RBFOX2: variants seen among roughly 807,000 people sequenced by gnomAD.
The protein encoded by RBFOX2 is RNA binding fox-1 homolog 2.
RBFOX2 carries 10 observed loss-of-function variants against 49.1 expected under a neutral mutation model. The ratio of observed to expected loss-of-function variants is 0.20; its 90% CI spans 0.13 to 0.35. RBFOX2 has a LOEUF of 0.35. Ranked by LOEUF, RBFOX2 falls within the 10% of genes least tolerant of loss-of-function variation. The pLI is 1.00. For missense variants in RBFOX2, 323 were observed against 486.9 expected (o/e 0.66, Z 3.17); for synonymous variants, 183 against 187.4 (o/e 0.98, Z 0.19).
intron 1 of RBFOX2, among the ~76,000 whole-genome samples, chr22:35,819,297 T>A (rs1953912078): frequency 6.6e-6 from 1 of 152,182 alleles, no homozygotes; most frequent in South Asian, 2.1e-4. Context: ...ATATAAATAA[T>A]CATTCTATTA....
chr22:35,744,985 G>C (rs1228454594), intron 11 of RBFOX2, among the ~76,000 whole-genome samples: 1 of 152,016 alleles, frequency 6.6e-6, no homozygotes, highest in African/African-American at 2.4e-5. Context: ...ACAACCTCAG[G>C]CACTTCTACC....
In RBFOX2 at chr22:35,867,101, G is replaced by A. The variant is rs8136320; in HGVS notation, c.-33-57097C>T. ...ATGCACACACACACACACTTAAAACGTACTTTCAAATGGTTCAGAAAAAAA... is the reference window on the plus strand; with the variant it reads ...ATGCACACACACACACACTTAAAACATACTTTCAAATGGTTCAGAAAAAAA... On this transcript the variant is annotated intron_variant, in intron 1 of 13. Coordinates refer to the RBFOX2 transcript ENST00000359369. Among the ~76,000 whole-genome samples the A allele has an allele frequency of 8.6e-3, 1,304 of 152,058 alleles. 4 individuals are homozygous for A. Among genetic ancestry groups the A allele is most frequent in the Non-Finnish European group, 0.011 (760 of 67,980 alleles).
intron 11 of RBFOX2, among the ~76,000 whole-genome samples, chr22:35,745,142 T>C (rs563950446): frequency 3.9e-4 from 60 of 152,350 alleles, no homozygotes; most frequent in South Asian, 2.5e-3. Context: ...ACATTTTACA[T>C]TTCATTCTGT....
At chr22:35,814,264 TA>T (rs1952515124) in intron 1 of RBFOX2, among the ~76,000 whole-genome samples, 1 of 152,098 alleles carries the variant, frequency 6.6e-6, no homozygotes. Context: ...AATCCTTGGA[TA>T]CTCAAGCCCT....
At chr22:35,861,219 T>C (rs895932695) in intron 1 of RBFOX2, among the ~76,000 whole-genome samples, 4 of 152,216 alleles carry the variant, frequency 2.6e-5, no homozygotes, top group African/African-American at 7.2e-5. Context: ...GTAAAACTTC[T>C]AGGAGAAAAC....
intron 1 of RBFOX2, among the ~76,000 whole-genome samples, chr22:35,839,090 T>C (rs1958231386): frequency 6.6e-6 from 1 of 152,216 alleles, no homozygotes; most frequent in African/African-American, 2.4e-5. Flanking sequence ...TGTCCAGTGA[T>C]GAAATTTCCA....
chr22:36,003,677 GA>G (rs1258777643), intron 1 of RBFOX2, among the ~76,000 whole-genome samples: 4 of 152,188 alleles, frequency 2.6e-5, no homozygotes, highest in African/African-American at 7.2e-5. Flanking sequence ...AACTAAGGGG[GA>G]AAAAACAAAA....
intron 1 of RBFOX2, among the ~76,000 whole-genome samples, chr22:35,966,815 AT>A (rs2056587156): frequency 6.6e-6 from 1 of 151,918 alleles, no homozygotes; most frequent in Non-Finnish European, 1.5e-5. Flanking sequence ...TATACATATA[AT>A]TTTTCCCCCT....
intron 1 of RBFOX2, among the ~76,000 whole-genome samples, chr22:35,919,530 CAAAA>C (rs758998485): frequency 2.6e-5 from 3 of 115,998 alleles, no homozygotes; most frequent in Admixed American, 1.8e-4. Context: ...GAGACTGTCT[CAAAA>C]AAAAAAAAAA....
At chr22:35,810,297 A>G (rs1951619355) in intron 1 of RBFOX2, among the ~76,000 whole-genome samples, 1 of 152,098 alleles carries the variant, frequency 6.6e-6, no homozygotes, top group Admixed American at 6.6e-5. Flanking sequence ...CAAAGGGGCA[A>G]AAATCTTTCC....
At chr22:36,003,736 T>A (rs1294837815) in intron 1 of RBFOX2, among the ~76,000 whole-genome samples, 1 of 152,264 alleles carries the variant, frequency 6.6e-6, no homozygotes, top group Admixed American at 6.5e-5. Context: ...ATACTCCTAA[T>A]GACTATCTAG....
At chr22:35,941,800 T>C (rs2053715102), upstream of RBFOX2, among the ~76,000 whole-genome samples, 1 of 152,166 alleles carries the variant, frequency 6.6e-6, no homozygotes, top group African/African-American at 2.4e-5. Context: ...AAGTTGGTCA[T>C]AACAGGTTGC....
At chr22:36,021,321 C>T (rs1384871037) in intron 1 of RBFOX2, among the ~76,000 whole-genome samples, 1 of 151,978 alleles carries the variant, frequency 6.6e-6, no homozygotes, top group East Asian at 1.9e-4. Context: ...GGTGCAGCCA[C>T]ACCAACATGG....
chr22:35,967,014 T>C (rs62232604), intron 1 of RBFOX2, among the ~76,000 whole-genome samples: 56 of 151,954 alleles, frequency 3.7e-4, no homozygotes, highest in South Asian at 1.5e-3. Context: ...AGATGAGGTC[T>C]TACTATGTTG....
intron 2 of RBFOX2, among the ~76,000 whole-genome samples, chr22:35,793,574 T>C (rs765775788): frequency 6.6e-6 from 1 of 152,200 alleles, no homozygotes; most frequent in East Asian, 1.9e-4. Flanking sequence ...TAAAATAATA[T>C]ATAAGACAAT....
At chr22:35,787,116 T>C (rs1946571425) in intron 2 of RBFOX2, among the ~76,000 whole-genome samples, 1 of 152,138 alleles carries the variant, frequency 6.6e-6, no homozygotes, top group Admixed American at 6.5e-5. Flanking sequence ...CTCAGCTCGC[T>C]GCAACCTCCA....
intron 1 of RBFOX2, chr22:35,836,486 A>C (rs1957698329): frequency 6.6e-6 from 1 of 152,314 alleles, no homozygotes; most frequent in South Asian, 2.1e-4. Context: ...GATTCATTAC[A>C]AAAGAATACA....
At chr22:35,767,506 T>C (rs921483367) in intron 5 of RBFOX2, among the ~76,000 whole-genome samples, 4 of 152,098 alleles carry the variant, frequency 2.6e-5, no homozygotes, top group Admixed American at 6.6e-5. Flanking sequence ...AAATGGTGGC[T>C]TTTACATTTA....
intron 1 of RBFOX2, among the ~76,000 whole-genome samples, chr22:35,863,881 C>T (rs935826750): frequency 2.0e-5 from 3 of 152,274 alleles, no homozygotes; most frequent in Middle Eastern, 3.4e-3. Context: ...GATTAGAAAT[C>T]GAAGTTGCCC....
Sources: gnomAD v4.1 joint callset for allele counts (sites outside exome capture counted in the v4.1 genomes callset) on GRCh38, gnomAD v4.1.1 for gene constraint, MANE v1.5 for transcripts, NCBI Gene and HGNC (gene_info 2026-07-23, HGNC 2026-07-21) for gene names.